Variants in CLUH observed in about 807,000 individuals in gnomAD.
The protein encoded by CLUH is CLUH binding protein of NUMT mRNA.
A neutral mutation model predicts 139.3 loss-of-function variants in CLUH; 77 were observed. The ratio of observed to expected loss-of-function variants is 0.55; its 90% CI spans 0.46 to 0.67. The LOEUF (loss-of-function observed/expected upper bound fraction) is 0.67, where lower values mean the gene tolerates loss of function less well. CLUH is among the 30% of genes least tolerant of loss of function. CLUH has a pLI of 0.00. For synonymous variants in CLUH, 999 were observed against 801.6 expected, an observed-to-expected ratio of 1.25 and a Z score of -4.16; for missense variants, 1,876 against 1,875.8, an observed-to-expected ratio of 1.00 and a Z score of 0.00.
chr17:2,690,449 C>T lies in CLUH; in HGVS notation c.*145G>A, dbSNP rs2069576036. 1.5e-6 allele frequency: 1 copy of T among 670,560 alleles called. No individual in the cohort carries two copies. Among genetic ancestry groups the T allele is most frequent in the Admixed American group, 4.2e-5 (1 of 23,550 alleles). 41.5% of individuals were successfully genotyped at this position (670,560 alleles called of 1,614,324 possible). On this transcript the variant is annotated 3_prime_UTR_variant, in exon 26 of 26. Transcript: ENST00000651024. Reference sequence around the variant, plus strand: ...TTCTGCGGGGCAGGCAGGCCAGGCTCCCAGGAGGACACGGGGGTGGGGTGG... The same window carrying T: ...TTCTGCGGGGCAGGCAGGCCAGGCTTCCAGGAGGACACGGGGGTGGGGTGG...
intron 17 of CLUH, 70 bp from the exon 18 acceptor site, chr17:2,694,346 C>A (rs905246642): frequency 2.6e-6 from 4 of 1,530,742 alleles, no homozygotes; most frequent in Non-Finnish European, 2.6e-6. Flanking sequence ...TCCCAACCCA[C>A]CAACGCTTGC....
In CLUH at chr17:2,698,595, C is replaced by A. The variant is rs750966518; in HGVS notation, c.1267-5G>T. 3 of 1,586,140 alleles carry A rather than the reference C, an allele frequency of 1.9e-6. No homozygotes were observed. The highest frequency in any genetic ancestry group is 2.3e-5 in the South Asian group (2 of 88,118). ...CGCGGTGAAGTCGCTGTGCACCTGG[C>A]GGGGGTCGAGGAGGGCAGGGTTAGA... On this transcript the variant is annotated splice_region_variant and splice_polypyrimidine_tract_variant and intron_variant, in intron 9 of 25. Transcript: ENST00000651024.
At chr17:2,693,004 A>T in intron 19 of CLUH, 144 bp from the exon 20 acceptor site, 1 of 676,398 alleles carries the variant, frequency 1.5e-6, no homozygotes, top group Non-Finnish European at 2.3e-6. Flanking sequence ...AGCAGGGGGG[A>T]GGGGGATCAG....
rs1471553975 is a variant in CLUH, at chr17:2,691,926, CCCGTGCCCCCGCGG to C, written c.3655-45_3655-32del. The C allele has an allele frequency of 5.1e-5, 59 of 1,156,478 alleles. 1 individual carries two copies. The East Asian group carries it at 2.3e-3, about 44-fold the overall frequency. The allele number at this position is 1,156,478 out of a possible 1,614,324, so 71.6% of individuals were successfully genotyped here. On this transcript the variant is annotated intron_variant, in intron 23 of 25. Transcript: ENST00000651024. The stretch of plus-strand genomic sequence containing the variant: ...GGGAGGCGGGAAGGGATCAGGCCCC[CCCGTGCCCCCGCGG>C]CCCCGCCCCCGCCCCGCCACGCCCC...
rs1567585541 is a variant in CLUH, at chr17:2,696,772, C to T, written c.2132G>A (p.Gly711Asp). 3.1e-6 allele frequency: 5 copies of T among 1,612,844 alleles called. No individual in the cohort carries two copies. The East Asian group carries it at 1.1e-4, about 36-fold the overall frequency. The change falls in exon 11 of 26, where the codon GGC becomes GAC. Residue 711 changes from glycine (G) to aspartate (D), a missense_variant. By Grantham distance (94) the Gly-to-Asp change is moderately conservative. Transcript: ENST00000651024. The part of the protein sequence containing the change: ...GSEEEGSSAS[G>D]LAKVKELAET... ...TGCCAGCTCCTTCACCTTGGCCAGGCCGCTGGCGCTGCTACCCTCCTCCTC... is the reference window on the plus strand; with the variant it reads ...TGCCAGCTCCTTCACCTTGGCCAGGTCGCTGGCGCTGCTACCCTCCTCCTC...
intron 16 of CLUH, 93 bp downstream of exon 16, chr17:2,694,764 A>G: frequency 2.1e-6 from 3 of 1,429,830 alleles, no homozygotes; most frequent in Non-Finnish European, 2.8e-6. Flanking sequence ...TCCCTGGCCT[A>G]TGACCACAGG....
Position 2,690,464 on chromosome 17 carries a change from G to A in CLUH, c.*130C>T. Reference sequence around the variant, plus strand: ...AGGCCAGGCTCCCAGGAGGACACGGGGGTGGGGTGGGGTGAGACGTGGAGG... The same window carrying A: ...AGGCCAGGCTCCCAGGAGGACACGGAGGTGGGGTGGGGTGAGACGTGGAGG... On this transcript the variant is annotated 3_prime_UTR_variant, in exon 26 of 26. Coordinates refer to ENST00000651024, the MANE Select transcript of CLUH (RefSeq NM_001366661.1). The A allele has an allele frequency of 1.3e-6, 1 of 780,988 alleles. No individual in the cohort carries two copies. Among genetic ancestry groups the A allele is most frequent in the Middle Eastern group, 4.0e-4 (1 of 2,480 alleles). 48.4% of individuals were successfully genotyped at this position (780,988 alleles called of 1,614,324 possible).
In CLUH at chr17:2,691,692, G is replaced by A; in HGVS notation, c.3790-10C>T. Reference sequence around the variant, plus strand: ...TGCTGGGGGCCGTGAACTGCGGGGCGGGGAAACCAGCGGTGAGCGGGGCTC... The same window carrying A: ...TGCTGGGGGCCGTGAACTGCGGGGCAGGGAAACCAGCGGTGAGCGGGGCTC... On this transcript the variant is annotated splice_polypyrimidine_tract_variant and intron_variant, in intron 24 of 25. Coordinates refer to ENST00000651024, the MANE Select transcript of CLUH (RefSeq NM_001366661.1). 3 of 1,611,184 alleles carry A rather than the reference G, an allele frequency of 1.9e-6. No individual in the cohort carries two copies. Among genetic ancestry groups the A allele is most frequent in the African/African-American group, 1.3e-5 (1 of 74,984 alleles).
chr17:2,693,914 C>T lies in CLUH; in HGVS notation c.3217G>A (p.Gly1073Ser), dbSNP rs1288460123. Residue 1073 changes from glycine (G) to serine (S), a missense_variant, in exon 19 of 26, where the codon GGC becomes AGC. Gly to Ser is a moderately conservative substitution (Grantham distance 56). Transcript: ENST00000651024. ...RLLARLHYIMGDYAEALSNQQ... is the reference protein window; with the variant it reads ...RLLARLHYIMSDYAEALSNQQ... ...CCAGAGGGTACCTCTGCGTAGTCGC[C>T]CATGATGTAGTGGAGGCGGGCGAGG... 2 of 1,612,934 alleles carry T rather than the reference C, an allele frequency of 1.2e-6. No homozygotes were observed. The highest frequency in any genetic ancestry group is 1.7e-6 in the Non-Finnish European group (2 of 1,179,540).
At position 2,692,648 on chromosome 17, in the gene CLUH, G is replaced by A. The variant is rs906449643; in HGVS notation, c.3361C>T (p.Leu1121=). Residue 1121 remains leucine, a synonymous_variant, in exon 21 of 26, where the codon CTG becomes TTG. Coordinates refer to ENST00000651024, the MANE Select transcript of CLUH (RefSeq NM_001366661.1). The part of the protein sequence containing the change: ...CFASSQLSTA[L]SLLYRARYLM... ...TAGCGGGCGCGGTACAGCAGGCTCA[G>A]GGCGGTGGACAGCTGGCTGCTGGCG... 1 of 1,612,494 alleles carries A rather than the reference G, an allele frequency of 6.2e-7. No individual in the cohort carries two copies. Among genetic ancestry groups the A allele is most frequent in the African/African-American group, 1.3e-5 (1 of 74,888 alleles).
At position 2,693,966 on chromosome 17, in the gene CLUH, G is replaced by A. The variant is rs773334396; in HGVS notation, c.3165C>T (p.His1055=). ...NLFNNVYGAM[H]VETCACLRLL... ...GGCGCAGGCAGGCGCAGGTCTCCAC[G>A]TGCATGGCTCCGTAGACGTTGTTAA... The change falls in exon 19 of 26, where the codon CAC becomes CAT. Residue 1055 remains histidine, a synonymous_variant. Coordinates refer to ENST00000651024, the MANE Select transcript of CLUH (RefSeq NM_001366661.1). 2.3e-5 allele frequency: 37 copies of A among 1,613,734 alleles called. No homozygotes were observed. The highest frequency in any genetic ancestry group is 2.7e-5 in the Non-Finnish European group (32 of 1,179,864).
In CLUH at chr17:2,692,609, C is replaced by T; in HGVS notation, c.3400G>A (p.Val1134Met). 1.2e-6 allele frequency: 2 copies of T among 1,612,860 alleles called. No individual in the cohort carries two copies. The highest frequency in any genetic ancestry group is 1.7e-6 in the Non-Finnish European group (2 of 1,179,608). Residue 1134 changes from valine to methionine, a missense_variant, in exon 21 of 26, where the codon GTG (valine) becomes ATG (methionine). Physicochemically the swap from Val to Met is conservative, Grantham distance 21. Transcript: ENST00000651024. ...ATCTCGGGGTGGTCTTCCCCGAACA[C>T]CAGCAGCATGAGGTAGCGGGCGCGG... is the stretch of plus-strand genomic sequence containing the variant. ...LYRARYLMLL[V>M]FGEDHPEMAL...
In CLUH at chr17:2,692,762, G is replaced by A. The variant is rs1260443471; in HGVS notation, c.3312+18C>T. 2 of 1,599,146 alleles carry A rather than the reference G, an allele frequency of 1.3e-6. No individual in the cohort carries two copies. Among genetic ancestry groups the A allele is most frequent in the Non-Finnish European group, 1.7e-6 (2 of 1,170,092 alleles). On this transcript the variant is annotated intron_variant, in intron 20 of 25. Transcript: ENST00000651024. ...CAGCCCCTCGCATCCCCCGGCGCGG[G>A]CGGCACTCGCGACTCACGTATTCCT...
Position 2,692,792 on chromosome 17 carries a change from G to A in CLUH, c.3300C>T (p.Thr1100=), listed in dbSNP as rs776235025. 3 of 1,601,274 alleles carry A rather than the reference G, an allele frequency of 1.9e-6. No homozygotes were observed. The highest frequency in any genetic ancestry group is 2.6e-6 in the Non-Finnish European group (3 of 1,171,206). The change falls in exon 20 of 26, where the codon ACC becomes ACT. Residue 1100 remains threonine, a synonymous_variant. Transcript: ENST00000651024. ...ACTCGCGACTCACGTATTCCTGGAT[G>A]GTGTTGGGGTGCTCGGTGCCCATCA... The part of the protein sequence containing the change: ...ERVMGTEHPN[T]IQEYMHLALY...
At chr17:2,702,099 G>A (rs984333772) in intron 3 of CLUH, 42 bp from the exon 4 acceptor site, 4 of 1,600,798 alleles carry the variant, frequency 2.5e-6, no homozygotes, top group African/African-American at 1.3e-5. Context: ...CCAGGGCCCT[G>A]CACCCTGAAC....
chr17:2,702,184 T>G, intron 3 of CLUH, 127 bp from the exon 4 acceptor site: 1 of 1,173,134 alleles, frequency 8.5e-7, no homozygotes, highest in Admixed American at 2.5e-5. Flanking sequence ...GTTTCCGTTT[T>G]CAAATTCCAC....
Position 2,696,843 on chromosome 17 carries a change from G to C in CLUH, c.2061C>G (p.Ser687=). ...PSSLENGGPS[S]LESKSEDPPG... The stretch of plus-strand genomic sequence containing the variant: ...GAGGATCCTCAGACTTGGACTCCAA[G>C]GAGGAAGGACCACCATTTTCCAGGG... Residue 687 remains serine, a synonymous_variant, in exon 11 of 26, where the codon TCC becomes TCG. Transcript: ENST00000651024. The C allele has an allele frequency of 2.5e-6, 4 of 1,613,596 alleles. No homozygotes were observed. The highest frequency in any genetic ancestry group is 3.4e-6 in the Non-Finnish European group (4 of 1,179,870).
chr17:2,698,697 G>A, intron 9 of CLUH, 107 bp from the exon 10 acceptor site: 3 of 1,000,578 alleles, frequency 3.0e-6, no homozygotes, highest in Admixed American at 2.9e-5. Context: ...GGCCTGCCTT[G>A]GAAACCCAAG....
chr17:2,690,617 G>T lies in CLUH; in HGVS notation c.4024C>A (p.Pro1342Thr), dbSNP rs752675058. ...CTCTATCCCTGCACGCTCGGAGAAG[G>T]GTCCTTGGCAGCCGGGGGCTGGGAG... is the stretch of plus-strand genomic sequence containing the variant. ...LGSQPPAAKDPSPSVQG is the reference protein window; with the variant it reads ...LGSQPPAAKDTSPSVQG Residue 1342 changes from proline to threonine, a missense_variant, in exon 26 of 26, where the codon CCT becomes ACT. By Grantham distance (38) the Pro-to-Thr change is conservative. Transcript: ENST00000651024. 1.3e-6 allele frequency: 2 copies of T among 1,496,420 alleles called. No homozygotes were observed. The highest frequency in any genetic ancestry group is 1.8e-6 in the Non-Finnish European group (2 of 1,128,048). The allele number at this position is 1,496,420 out of a possible 1,614,324, so 92.7% of individuals were successfully genotyped here.
Sources: allele counts gnomAD v4.1 joint callset, GRCh38; gene constraint gnomAD v4.1.1; transcripts MANE v1.5; gene names NCBI Gene and HGNC (gene_info 2026-07-23, HGNC 2026-07-21).